The following ST14 variants were observed in gnomAD, a reference collection of about 807,000 sequenced individuals.
The protein encoded by ST14 is ST14 transmembrane serine protease matriptase, also known as suppressor of tumorigenicity 14 protein.
A neutral mutation model predicts 96.5 loss-of-function variants in ST14; 40 were observed. The ratio of observed to expected loss-of-function variants is 0.41; its 90% CI spans 0.32 to 0.54. The LOEUF (loss-of-function observed/expected upper bound fraction) is 0.54. Among genes scored for constraint, ST14 ranks in the 20% least tolerant of loss-of-function variants. The pLI is 0.17. For missense variants in ST14, 1,066 were observed against 1,188.9 expected (o/e 0.90, Z 1.52); for synonymous variants, 506 against 492.1 (o/e 1.03, Z -0.37).
chr11:130,196,665 T>C lies in ST14; in HGVS notation c.1319T>C (p.Phe440Ser). The C allele has an allele frequency of 6.2e-7, 1 of 1,614,198 alleles. No homozygotes were observed. ...GATCAGTCCTACACCGACACCGGCTTCTTAGCTGAATACCTCTCCTACGAC... is the reference window on the plus strand; with the variant it reads ...GATCAGTCCTACACCGACACCGGCTCCTTAGCTGAATACCTCTCCTACGAC... The part of the protein sequence containing the change: ...HSDQSYTDTG[F>S]LAEYLSYDSS... The change falls in exon 11 of 19, where the codon TTC (phenylalanine) becomes TCC (serine). Residue 440 changes from phenylalanine to serine, a missense_variant. By Grantham distance (155) the Phe-to-Ser change is radical. Coordinates refer to ENST00000278742, the MANE Select transcript of ST14 (RefSeq NM_021978.4).
In ST14 at chr11:130,188,282, A is replaced by G; in HGVS notation, c.241+9A>G. On this transcript the variant is annotated intron_variant, in intron 2 of 18. Coordinates refer to ENST00000278742, the MANE Select transcript of ST14 (RefSeq NM_021978.4). This position sits in a 1 kb window ranked among gnomAD's most constrained non-coding sequence, Gnocchi z 5.4. ...GGTGTGGCATTTGCAGTGTGAGTAA[A>G]GCTGGGGCTGGCTCCGGGGAGGACG... is the stretch of plus-strand genomic sequence containing the variant. 6.2e-7 allele frequency: 1 copy of G among 1,611,108 alleles called. No homozygotes were observed. The highest frequency in any genetic ancestry group is 8.5e-7 in the Non-Finnish European group (1 of 1,177,904).
chr11:130,200,016 G>A lies in ST14; in HGVS notation c.1873G>A (p.Glu625Lys), dbSNP rs1333246624. The A allele has an allele frequency of 2.5e-6, 4 of 1,614,128 alleles. No individual in the cohort carries two copies. The highest frequency in any genetic ancestry group is 3.4e-6 in the Non-Finnish European group (4 of 1,180,022). The change falls in exon 16 of 19, where the codon GAG (glutamate) becomes AAG (lysine). Residue 625 changes from glutamate to lysine, a missense_variant. Transcript: ENST00000278742. Reference sequence around the variant, plus strand: ...TGGGGGCACGGATGCGGATGAGGGCGAGTGGCCCTGGCAGGTAAGCCTGCA... The same window carrying A: ...TGGGGGCACGGATGCGGATGAGGGCAAGTGGCCCTGGCAGGTAAGCCTGCA... ...VVGGTDADEGEWPWQVSLHAL... is the reference protein window; with the variant it reads ...VVGGTDADEGKWPWQVSLHAL...
intron 1 of ST14, among the ~76,000 whole-genome samples, chr11:130,174,618 G>A (rs1318181614): frequency 6.6e-6 from 1 of 152,104 alleles, no homozygotes; most frequent in Non-Finnish European, 1.5e-5. Context: ...ATTTCATAGG[G>A]CACTTTGCCC....
Position 130,188,098 on chromosome 11 carries a change from G to T in ST14, c.82-16G>T, listed in dbSNP as rs768236790. The stretch of plus-strand genomic sequence containing the variant: ...CGGGTGAGAGGGTCTGAGTGGTGGC[G>T]CCTCTCTCCCTGCAGAAAGTGAATG... On this transcript the variant is annotated splice_polypyrimidine_tract_variant and intron_variant, in intron 1 of 18. Transcript: ENST00000278742. This position sits in a 1 kb window ranked among gnomAD's most constrained non-coding sequence, Gnocchi z 5.4. 1 of 1,613,844 alleles carries T rather than the reference G, an allele frequency of 6.2e-7. No individual in the cohort carries two copies. Among genetic ancestry groups the T allele is most frequent in the East Asian group, 2.2e-5 (1 of 44,852 alleles).
intron 1 of ST14, among the ~76,000 whole-genome samples, chr11:130,169,386 C>A (rs565361924): frequency 6.6e-6 from 1 of 152,142 alleles, no homozygotes; most frequent in African/African-American, 2.4e-5. Flanking sequence ...TGAGCCACCA[C>A]GCCTGGCCTA....
chr11:130,198,472 G>A, intron 13 of ST14, 36 bp from the exon 14 acceptor site: 1 of 1,613,124 alleles, frequency 6.2e-7, no homozygotes. Flanking sequence ...GCGACTGACG[G>A]TGGCTCCTGG....
In ST14 at chr11:130,188,887, G is replaced by C. The variant is rs933046263; in HGVS notation, c.388G>C (p.Gly130Arg). 2 of 1,612,866 alleles carry C rather than the reference G, an allele frequency of 1.2e-6. No homozygotes were observed. The highest frequency in any genetic ancestry group is 1.7e-5 in the Admixed American group (1 of 59,786). The change falls in exon 4 of 19, where the codon GGA becomes CGA. Residue 130 changes from glycine to arginine, a missense_variant. By Grantham distance (125) the Gly-to-Arg change is moderately radical. Coordinates refer to ENST00000278742, the MANE Select transcript of ST14 (RefSeq NM_021978.4). The surrounding 1 kb of genome is among the most constrained non-coding windows in gnomAD (Gnocchi z 5.4). Reference sequence around the variant, plus strand: ...TCCTCAGCTGAAGCTGCTGTACAGCGGAGTCCCATTCCTGGGCCCCTACCA... The same window carrying C: ...TCCTCAGCTGAAGCTGCTGTACAGCCGAGTCCCATTCCTGGGCCCCTACCA... ...VKDALKLLYS[G>R]VPFLGPYHKE... is the part of the protein sequence containing the mutation.
rs778864798 is a variant in ST14, at chr11:130,190,190, C to T, written c.634+42C>T. The T allele has an allele frequency of 4.8e-5, 77 of 1,613,236 alleles. No individual in the cohort carries two copies. The highest frequency in any genetic ancestry group is 4.0e-4 in the Admixed American group (24 of 59,998). ...CCTCCTCTTCTGGGTGGGGAAGAGGCGGGATGTGGCCAGATGCCCTTGAGC... is the reference window on the plus strand; with the variant it reads ...CCTCCTCTTCTGGGTGGGGAAGAGGTGGGATGTGGCCAGATGCCCTTGAGC... On this transcript the variant is annotated intron_variant, in intron 6 of 18. Coordinates refer to ENST00000278742, the MANE Select transcript of ST14 (RefSeq NM_021978.4).
At chr11:130,201,189 C>T (rs529063254) in intron 16 of ST14, among the ~76,000 whole-genome samples, 134 of 152,330 alleles carry the variant, frequency 8.8e-4, no homozygotes, top group African/African-American at 1.9e-3. Flanking sequence ...GGCACAATGC[C>T]GGGCTGCGCT....
At chr11:130,178,347 G>GTGTC (rs1376859070) in intron 1 of ST14, among the ~76,000 whole-genome samples, 1 of 92,072 alleles carries the variant, frequency 1.1e-5, no homozygotes, top group Non-Finnish European at 1.8e-5. Context: ...CAGCAAAATG[G>GTGTC]TGTCAGTGAA....
chr11:130,169,092 GTTT>G (rs59747710), intron 1 of ST14, among the ~76,000 whole-genome samples: 3,218 of 112,248 alleles, frequency 0.029, 37 homozygotes, highest in African/African-American at 0.1. Flanking sequence ...AATATAATGG[GTTT>G]TTTTTTTTTT....
chr11:130,197,360 C>T (rs1953377770), intron 11 of ST14, among the ~76,000 whole-genome samples: 1 of 152,240 alleles, frequency 6.6e-6, no homozygotes, highest in South Asian at 2.1e-4. Context: ...GGTCAGATGC[C>T]TCCGGATTTC....
intron 16 of ST14, among the ~76,000 whole-genome samples, chr11:130,202,888 G>C (rs7949762): frequency 0.099 from 15,078 of 152,196 alleles, 941 homozygotes; most frequent in African/African-American, 0.16. Context: ...CGAGAATTGT[G>C]CTTGGGACAT....
intron 1 of ST14, among the ~76,000 whole-genome samples, chr11:130,177,774 T>C (rs2136206828): frequency 6.6e-6 from 1 of 152,032 alleles, no homozygotes; most frequent in East Asian, 1.9e-4. Context: ...ATGACGTCTC[T>C]TTTTGAAGAG....
intron 8 of ST14, 110 bp downstream of exon 8, chr11:130,194,398 C>T (rs1206825315): frequency 5.4e-6 from 8 of 1,490,288 alleles, no homozygotes; most frequent in African/African-American, 4.2e-5. Context: ...CTGTGGTTGG[C>T]GAGCTGGCCT....
At chr11:130,191,131 T>A (rs1166785564) in intron 7 of ST14, among the ~76,000 whole-genome samples, 1 of 151,468 alleles carries the variant, frequency 6.6e-6, no homozygotes, top group Non-Finnish European at 1.5e-5. Context: ...CGGGAGGATC[T>A]CTTGAGGCCA....
chr11:130,181,957 T>C lies in ST14; in HGVS notation c.82-6157T>C, dbSNP rs10894182. Reference sequence around the variant, plus strand: ...CTGACAGCCTCGCTCCGTGGCAGAGTCTGGGGTGACCCCTGAGTCAATGCC... The same window carrying C: ...CTGACAGCCTCGCTCCGTGGCAGAGCCTGGGGTGACCCCTGAGTCAATGCC... On this transcript the variant is annotated intron_variant, in intron 1 of 18. Coordinates refer to ENST00000278742, the MANE Select transcript of ST14 (RefSeq NM_021978.4). The surrounding 1 kb of genome is among the most constrained non-coding windows in gnomAD (Gnocchi z 4.1). 1 allele frequency among the ~76,000 whole-genome samples: 151,833 copies of C among 152,356 alleles called. 75,657 individuals carry two copies. Among genetic ancestry groups the C allele is most frequent in the East Asian group, 1 (5,172 of 5,172 alleles).
intron 7 of ST14, among the ~76,000 whole-genome samples, chr11:130,192,555 A>AT (rs1304435071): frequency 1.3e-5 from 2 of 151,864 alleles, no homozygotes; most frequent in East Asian, 1.9e-4. Context: ...CACTCAGCTA[A>AT]TTTTTTTTGT....
rs76237317 is a variant in ST14 at position 130,199,865 on chromosome 11, G to A, written c.1808-86G>A. 3,368 of 1,560,590 alleles carry A rather than the reference G, an allele frequency of 2.2e-3. 7 individuals are homozygous for A. The highest frequency in any genetic ancestry group is 2.5e-3 in the Non-Finnish European group (2,879 of 1,137,338). On this transcript the variant is annotated intron_variant, in intron 15 of 18. Transcript: ENST00000278742. The stretch of plus-strand genomic sequence containing the variant: ...CCAAAAGCTGGCTTCCCCACACAGG[G>A]TCTCCTGGCACACACTGCATGTCCC...
Sources: allele counts gnomAD v4.1 joint callset (sites outside exome capture counted in the v4.1 genomes callset), GRCh38; gene constraint gnomAD v4.1.1; non-coding constraint Gnocchi (gnomAD v3.1); transcripts MANE v1.5; gene names NCBI Gene and HGNC (gene_info 2026-07-23, HGNC 2026-07-21).